BANK1: variants seen among roughly 807,000 people sequenced by gnomAD.
BANK1 encodes the protein B-cell scaffold protein with ankyrin repeats.
BANK1 carries 95 observed loss-of-function variants against 94.5 expected under a neutral mutation model. The observed-to-expected ratio is 1.00, with a 90% CI of 0.85 to 1.19. The LOEUF (loss-of-function observed/expected upper bound fraction) is 1.19. Ranked by LOEUF, BANK1 falls within the 50% of genes most tolerant of loss-of-function variation. The pLI, the probability that BANK1 is intolerant of heterozygous loss-of-function variation, is 0.00. For synonymous variants in BANK1, 334 were observed against 308.4 expected (o/e 1.08, Z -0.87); for missense variants, 987 against 932.2 (o/e 1.06, Z -0.77).
At chr4:101,877,651 G>C (rs1728538906) in intron 5 of BANK1, among the ~76,000 whole-genome samples, 1 of 152,154 alleles carries the variant, frequency 6.6e-6, no homozygotes, top group Non-Finnish European at 1.5e-5. Context: ...TTGGGAGGCA[G>C]AGGTTGGCAG....
chr4:101,807,290 C>T (rs1262624134), intron 1 of BANK1, among the ~76,000 whole-genome samples: 5 of 151,902 alleles, frequency 3.3e-5, no homozygotes, highest in South Asian at 2.1e-4. Flanking sequence ...ATATCACTGC[C>T]GTAGATAAGA....
At chr4:102,001,802 CA>C (rs138182371) in intron 7 of BANK1, among the ~76,000 whole-genome samples, 2 of 151,840 alleles carry the variant, frequency 1.3e-5, no homozygotes, top group Non-Finnish European at 2.9e-5. Flanking sequence ...CCAGCAGGGA[CA>C]AAAAAATTGG....
chr4:102,054,253 G>C lies in BANK1; in HGVS notation c.1970-5958G>C, dbSNP rs553823585. 1.9e-4 allele frequency among the ~76,000 whole-genome samples: 29 copies of C among 152,186 alleles called. 1 individual carries two copies. In the South Asian group the frequency reaches 6.0e-3, roughly 32 times the overall value. The stretch of plus-strand genomic sequence containing the variant: ...GAACTCAATTCTGTTATACTCTGAA[G>C]GCCAAACTTGTAATCACCTTCTGTA... On this transcript the variant is annotated intron_variant, in intron 11 of 16. Transcript: ENST00000322953.
At chr4:101,878,415 T>G (rs1264214245) in intron 5 of BANK1, among the ~76,000 whole-genome samples, 3 of 152,218 alleles carry the variant, frequency 2.0e-5, no homozygotes, top group Non-Finnish European at 4.4e-5. Flanking sequence ...ATGACAATTT[T>G]AAATATATAT....
At chr4:101,987,278 C>CTG (rs754663627) in intron 7 of BANK1, among the ~76,000 whole-genome samples, 27 of 151,784 alleles carry the variant, frequency 1.8e-4, no homozygotes, top group Admixed American at 8.5e-4. Flanking sequence ...ACTAAGTGTT[C>CTG]TGTGTGTGTG....
At chr4:101,807,620 A>C (rs1725600215) in intron 1 of BANK1, among the ~76,000 whole-genome samples, 1 of 152,232 alleles carries the variant, frequency 6.6e-6, no homozygotes. Flanking sequence ...TTTTGTTAGC[A>C]GCAGGTGTCA....
chr4:102,015,206 A>C (rs1726653368), intron 7 of BANK1, among the ~76,000 whole-genome samples: 1 of 152,090 alleles, frequency 6.6e-6, no homozygotes, highest in Non-Finnish European at 1.5e-5. Context: ...ATAAAGGAAT[A>C]TAGCAATATT....
At chr4:101,996,472 A>T (rs188276256) in intron 7 of BANK1, among the ~76,000 whole-genome samples, 2,107 of 152,220 alleles carry the variant, frequency 0.014, 39 homozygotes, top group Middle Eastern at 0.02. Flanking sequence ...AAGAAAGTCA[A>T]TGGTAGCTTG....
chr4:101,910,694 G>GAA (rs1159879652), intron 6 of BANK1, among the ~76,000 whole-genome samples: 32 of 67,684 alleles, frequency 4.7e-4, no homozygotes, highest in Admixed American at 6.0e-4. Flanking sequence ...ACTCCGTCTC[G>GAA]AAAAAAAAAA....
intron 7 of BANK1, among the ~76,000 whole-genome samples, chr4:101,941,217 G>A (rs1031369686): frequency 3.3e-5 from 5 of 151,624 alleles, no homozygotes; most frequent in African/African-American, 7.3e-5. Flanking sequence ...GTGGTGGGGC[G>A]GGGGTGGAGT....
chr4:102,021,652 G>A lies in BANK1; in HGVS notation c.1285+60G>A, dbSNP rs116010837. ...ATTCATATATATATCACATATATAT[G>A]TGACTTATGGAAGATGTAACTGAAA... On this transcript the variant is annotated intron_variant, in intron 8 of 16. Transcript: ENST00000322953. 2.1e-3 allele frequency: 1,371 copies of A among 667,302 alleles called. 21 individuals carry two copies. The African/African-American group carries it at 0.023, about 11-fold the overall frequency. The allele number at this position is 667,302 out of a possible 1,614,324, so 41.3% of individuals were successfully genotyped here. A position where few individuals can be genotyped will look rare whatever the true frequency, so the allele number is the denominator to read the frequency against.
chr4:101,904,582 C>A (rs4550925), intron 6 of BANK1, among the ~76,000 whole-genome samples: 127,643 of 152,102 alleles, frequency 0.84, 53,867 homozygotes, highest in Non-Finnish European at 0.89. Context: ...TTCTTTCAAA[C>A]CTTGCAAATT....
chr4:101,911,469 C>T (rs918516851), intron 6 of BANK1, among the ~76,000 whole-genome samples: 4 of 152,088 alleles, frequency 2.6e-5, no homozygotes, highest in Non-Finnish European at 5.9e-5. Context: ...ACATATCAGC[C>T]ATTTTGTCCT....
intron 5 of BANK1, among the ~76,000 whole-genome samples, chr4:101,882,132 C>T (rs964289322): frequency 6.6e-6 from 1 of 152,032 alleles, no homozygotes; most frequent in African/African-American, 2.4e-5. Context: ...CCCCATTTTA[C>T]ACGATGTGAT....
rs773691520 is a variant in BANK1, at chr4:102,074,434, A to T, written c.*435A>T. ...TTACTTAGCACATTTTTGCTTTTTA[A>T]GTAGCTGGTTCATTTTCTGAATTTC... On this transcript the variant is annotated 3_prime_UTR_variant, in exon 17 of 17. Transcript: ENST00000322953. 2 of 152,038 alleles carry T rather than the reference A, an allele frequency of 1.3e-5. No homozygotes were observed. Among genetic ancestry groups the T allele is most frequent in the Non-Finnish European group, 2.9e-5 (2 of 67,910 alleles). The allele number at this position is 152,038 out of a possible 1,614,324, so 9.4% of individuals were successfully genotyped here. A position where few individuals can be genotyped will look rare whatever the true frequency, so the allele number is the denominator to read the frequency against.
chr4:101,878,991 C>A (rs561627550), intron 5 of BANK1, among the ~76,000 whole-genome samples: 9 of 148,866 alleles, frequency 6.0e-5, no homozygotes, highest in East Asian at 2.0e-4. Flanking sequence ...GTGCCTATGT[C>A]AAAAAAAAAG....
chr4:101,891,600 C>T (rs1029858248), intron 5 of BANK1, among the ~76,000 whole-genome samples: 7 of 151,972 alleles, frequency 4.6e-5, no homozygotes, highest in African/African-American at 7.2e-5. Context: ...CTCATCTCTT[C>T]CTGGGACTCT....
At chr4:101,792,477 T>G (rs980682541) in intron 1 of BANK1, among the ~76,000 whole-genome samples, 11 of 149,292 alleles carry the variant, frequency 7.4e-5, no homozygotes, top group African/African-American at 2.8e-4. Context: ...GTGTTTTTTT[T>G]TTTTTAATGA....
At chr4:102,048,994 T>C (rs115456124) in intron 11 of BANK1, among the ~76,000 whole-genome samples, 1 of 152,140 alleles carries the variant, frequency 6.6e-6, no homozygotes, top group Non-Finnish European at 1.5e-5. Flanking sequence ...GATTTGAAAT[T>C]AGAAAATACT....
Sources: gnomAD v4.1 joint callset for allele counts (sites outside exome capture counted in the v4.1 genomes callset) on GRCh38, gnomAD v4.1.1 for gene constraint, MANE v1.5 for transcripts, NCBI Gene and HGNC (gene_info 2026-07-23, HGNC 2026-07-21) for gene names.